The following EXD3 variants were observed in gnomAD, a reference collection of about 807,000 sequenced individuals.
EXD3 encodes exonuclease 3'-5' domain containing 3, also known as exonuclease mut-7 homolog.
EXD3 carries 92 observed loss-of-function variants against 98.0 expected under a neutral mutation model. The ratio of observed to expected loss-of-function variants is 0.94; its 90% CI spans 0.79 to 1.12. The LOEUF is 1.12. EXD3 is among the 50% of genes most tolerant of loss of function. The pLI is 0.00. For missense variants in EXD3, 1,222 were observed against 1,191.6 expected (o/e 1.03, Z -0.38); for synonymous variants, 569 against 526.0 (o/e 1.08, Z -1.12).
intron 4 of EXD3, 68 bp downstream of exon 4, chr9:137,373,358 G>A: frequency 2.6e-6 from 4 of 1,540,938 alleles, no homozygotes; most frequent in Non-Finnish European, 3.5e-6. Context: ...GCAGGTGGAT[G>A]CCGGGTCCAC....
intron 9 of EXD3, 88 bp downstream of exon 9, chr9:137,354,612 C>T (rs1354248024): frequency 3.2e-6 from 5 of 1,579,404 alleles, no homozygotes; most frequent in Admixed American, 3.6e-5. Context: ...TGTCTGTGCA[C>T]CCTGCAGTGC....
At chr9:137,411,866 G>C (rs949303099) in intron 1 of EXD3, among the ~76,000 whole-genome samples, 7 of 152,204 alleles carry the variant, frequency 4.6e-5, no homozygotes, top group Non-Finnish European at 1.0e-4. Flanking sequence ...CTGCATTCTT[G>C]TCCGGGCGCC....
At chr9:137,409,844 G>T (rs937222750) in intron 1 of EXD3, among the ~76,000 whole-genome samples, 1 of 152,190 alleles carries the variant, frequency 6.6e-6, no homozygotes, top group Non-Finnish European at 1.5e-5. Context: ...TCCCTGATGG[G>T]GCGACACCAC....
In EXD3 at chr9:137,347,997, G is replaced by A; in HGVS notation, c.1998+74C>T. The stretch of plus-strand genomic sequence containing the variant: ...GATGAGCTGGAGGGAGGAGTTTGAT[G>A]CTAGGGGTGGGCACACCTGTGCTAG... On this transcript the variant is annotated intron_variant, in intron 17 of 21. Transcript: ENST00000340951. The surrounding 1 kb of genome is among the most constrained non-coding windows in gnomAD (Gnocchi z 4.2). 1 of 1,478,074 alleles carries A rather than the reference G, an allele frequency of 6.8e-7. No individual in the cohort carries two copies. The highest frequency in any genetic ancestry group is 9.1e-7 in the Non-Finnish European group (1 of 1,100,550). The allele number at this position is 1,478,074 out of a possible 1,614,324, so 91.6% of individuals were successfully genotyped here. A position where few individuals can be genotyped will look rare whatever the true frequency, so the allele number is the denominator to read the frequency against.
intron 2 of EXD3, among the ~76,000 whole-genome samples, chr9:137,387,621 C>T (rs1181622703): frequency 5.9e-5 from 9 of 152,196 alleles, no homozygotes; most frequent in African/African-American, 2.2e-4. Context: ...CCCTGGGGGA[C>T]ACACCCCACT....
intron 17 of EXD3, among the ~76,000 whole-genome samples, chr9:137,337,343 G>T (rs1166086217): frequency 6.6e-6 from 1 of 152,122 alleles, no homozygotes; most frequent in Non-Finnish European, 1.5e-5. Context: ...GAATCAGGCA[G>T]AAAAGTAAAT....
intron 17 of EXD3, among the ~76,000 whole-genome samples, chr9:137,327,934 A>C (rs1832544326): frequency 8.7e-6 from 1 of 114,364 alleles, no homozygotes; most frequent in Non-Finnish European, 1.9e-5. Context: ...CCATATGCTG[A>C]GTAAAACAAC....
At chr9:137,353,795 T>C in intron 10 of EXD3, 2 of 986,054 alleles carry the variant, frequency 2.0e-6, no homozygotes, top group Non-Finnish European at 2.4e-6. Context: ...GCTGAGCTCC[T>C]GCACGACCTC....
At position 137,321,695 on chromosome 9, in the gene EXD3, C is replaced by T. The variant is rs73668240; in HGVS notation, c.2184+2030G>A. Among the ~76,000 whole-genome samples, 707 of 152,202 alleles carry T rather than the reference C, an allele frequency of 4.6e-3. 5 individuals are homozygous for T. Among genetic ancestry groups the T allele is most frequent in the African/African-American group, 0.016 (673 of 41,530 alleles). ...GAGACTCCGTCCCACCCCCAAAAAA[C>T]CCCAGGAAACAAAACTGGGCTTGTT... On this transcript the variant is annotated intron_variant, in intron 19 of 21. Transcript: ENST00000340951.
At chr9:137,316,438 G>A (rs1288688957) in intron 19 of EXD3, among the ~76,000 whole-genome samples, 4 of 152,048 alleles carry the variant, frequency 2.6e-5, no homozygotes, top group Non-Finnish European at 4.4e-5. Context: ...CGCCCGCAGA[G>A]GGGGGTAGCC....
chr9:137,409,437 C>T (rs1837889808), intron 1 of EXD3, among the ~76,000 whole-genome samples: 1 of 152,198 alleles, frequency 6.6e-6, no homozygotes, highest in Non-Finnish European at 1.5e-5. Flanking sequence ...AGAAAACTGG[C>T]CCGGCGTGGT....
chr9:137,307,413 T>C (rs2119031427), intron 21 of EXD3, 150 bp from the exon 22 acceptor site: 1 of 1,312,146 alleles, frequency 7.6e-7, no homozygotes, highest in Non-Finnish European at 1.0e-6. Flanking sequence ...TGACTCTGCG[T>C]CCTCCACTTC....
rs1836631154 is a variant in EXD3, at chr9:137,386,999, C to CTCCCTGCCTGCCTCCCTCAGCACCCCT, written c.56-3623_56-3622insAGGGGTGCTGAGGGAGGCAGGCAGGGA. On this transcript the variant is annotated intron_variant, in intron 2 of 21. Coordinates refer to ENST00000340951, the MANE Select transcript of EXD3 (RefSeq NM_017820.5). Reference sequence around the variant, plus strand: ...CCCTGCCTGCCTCCCTCAGCACCCCCGCTCCCTGCCTGGCCCCCTCAGCAC... The same window carrying CTCCCTGCCTGCCTCCCTCAGCACCCCT: ...CCCTGCCTGCCTCCCTCAGCACCCCCTCCCTGCCTGCCTCCCTCAGCACCCCTGCTCCCTGCCTGGCCCCCTCAGCAC... 2.5e-5 allele frequency among the ~76,000 whole-genome samples: 2 copies of CTCCCTGCCTGCCTCCCTCAGCACCCCT among 81,232 alleles called. 1 individual carries two copies. The highest frequency in any genetic ancestry group is 1.0e-4 in the African/African-American group (2 of 19,372). The allele number at this position is 81,232 out of a possible 152,430, so 53.3% of individuals were successfully genotyped here. A position where few individuals can be genotyped will look rare whatever the true frequency, so the allele number is the denominator to read the frequency against.
At chr9:137,313,130 G>A (rs1016180873) in intron 19 of EXD3, among the ~76,000 whole-genome samples, 1 of 152,164 alleles carries the variant, frequency 6.6e-6, no homozygotes, top group African/African-American at 2.4e-5. Flanking sequence ...CTTGGGTCTC[G>A]ACAAGTCGGA....
At chr9:137,378,472 A>G (rs971911353) in intron 3 of EXD3, among the ~76,000 whole-genome samples, 1 of 152,152 alleles carries the variant, frequency 6.6e-6, no homozygotes, top group Non-Finnish European at 1.5e-5. Context: ...CAGCCTCCTA[A>G]AGTGCTGGGA....
intron 6 of EXD3, among the ~76,000 whole-genome samples, chr9:137,367,192 G>A (rs1376550129): frequency 3.9e-5 from 6 of 152,134 alleles, no homozygotes; most frequent in South Asian, 2.1e-4. Flanking sequence ...GCCTGGCGCC[G>A]ACTGCATGGG....
intron 17 of EXD3, among the ~76,000 whole-genome samples, chr9:137,329,998 A>C (rs1173499846): frequency 8.0e-6 from 1 of 125,344 alleles, no homozygotes; most frequent in African/African-American, 3.5e-5. Flanking sequence ...AGGACTACAC[A>C]GGAGCTACAC....
At chr9:137,375,901 T>C (rs953915295) in intron 3 of EXD3, among the ~76,000 whole-genome samples, 4 of 152,186 alleles carry the variant, frequency 2.6e-5, no homozygotes, top group African/African-American at 4.8e-5. Flanking sequence ...CACAAGTAGG[T>C]TGACTAAAGC....
intron 19 of EXD3, among the ~76,000 whole-genome samples, chr9:137,317,703 C>G (rs111959755): frequency 3.0e-4 from 46 of 152,192 alleles, no homozygotes; most frequent in African/African-American, 1.1e-3. Flanking sequence ...GCTGACCACC[C>G]TCCTGTCAGC....
Sources: gnomAD v4.1 joint callset for allele counts (sites outside exome capture counted in the v4.1 genomes callset) on GRCh38, gnomAD v4.1.1 for gene constraint, Gnocchi (gnomAD v3.1) non-coding constraint, MANE v1.5 for transcripts, NCBI Gene and HGNC (gene_info 2026-07-23, HGNC 2026-07-21) for gene names.